The following MAD2L1BP variants were observed in gnomAD, a reference collection of about 807,000 sequenced individuals.
MAD2L1BP encodes MAD2L1-binding protein.
MAD2L1BP carries 22 observed loss-of-function variants against 28.4 expected under a neutral mutation model. The ratio of observed to expected loss-of-function variants is 0.77; its 90% CI spans 0.55 to 1.10. MAD2L1BP has a LOEUF of 1.10. Ranked by LOEUF, MAD2L1BP falls within the 50% of genes least tolerant of loss-of-function variation. The pLI is 0.00. For missense variants in MAD2L1BP, 325 were observed against 350.5 expected, an observed-to-expected ratio of 0.93 and a Z score of 0.58; for synonymous variants, 146 against 133.7, an observed-to-expected ratio of 1.09 and a Z score of -0.63.
At chr6:43,630,897 A>C (rs1294625650), upstream of MAD2L1BP, among the ~76,000 whole-genome samples, 1 of 137,478 alleles carries the variant, frequency 7.3e-6, no homozygotes, top group African/African-American at 3.0e-5. Context: ...TGACAGAACG[A>C]GACTTCGTCT....
chr6:43,632,743 G>A (rs975554128), upstream of MAD2L1BP, among the ~76,000 whole-genome samples: 3 of 149,996 alleles, frequency 2.0e-5, no homozygotes, highest in East Asian at 3.9e-4. Flanking sequence ...GGACTCAGCC[G>A]GGTGCGGTGG....
rs7106 is a variant in MAD2L1BP, at chr6:43,640,649, C to T, written c.*116C>T. 308,097 of 1,140,760 alleles carry T rather than the reference C, an allele frequency of 0.27. 46,411 individuals carry two copies. The highest frequency in any genetic ancestry group is 0.3 in the Non-Finnish European group (249,519 of 824,574). 70.7% of individuals were successfully genotyped at this position (1,140,760 alleles called of 1,614,324 possible). A position where few individuals can be genotyped will look rare whatever the true frequency, so the allele number is the denominator to read the frequency against. ...CTTCCTGGTGAGAGAGGAAGCAACT[C>T]TCCTTCTGGTTGTCTGCCTCCCCTC... On this transcript the variant is annotated 3_prime_UTR_variant, in exon 3 of 3. Transcript: ENST00000372171.
chr6:43,640,318 C>T lies in MAD2L1BP; in HGVS notation c.610C>T (p.Gln204Ter), dbSNP rs1459340603. Residue 204 changes from glutamine (Q) to a stop codon, truncating the protein, a stop_gained, in exon 3 of 3, where the codon CAG becomes TAG. Coordinates refer to ENST00000372171, the MANE Select transcript of MAD2L1BP (RefSeq NM_014628.3). LOFTEE classifies it high-confidence loss of function. Reference sequence around the variant, plus strand: ...CATGGCTGATGCCTTTAGCGAGCTTCAGGCTCCTCCACTCATGGGCACCGT... The same window carrying T: ...CATGGCTGATGCCTTTAGCGAGCTTTAGGCTCCTCCACTCATGGGCACCGT... ...IFMADAFSEL[Q>*]APPLMGTVVM... 3 of 1,613,492 alleles carry T rather than the reference C, an allele frequency of 1.9e-6. No individual in the cohort carries two copies. Among genetic ancestry groups the T allele is most frequent in the African/African-American group, 1.3e-5 (1 of 74,914 alleles).
intron 2 of MAD2L1BP, among the ~76,000 whole-genome samples, chr6:43,637,903 T>C (rs1244452731): frequency 6.0e-5 from 9 of 150,614 alleles, no homozygotes; most frequent in Non-Finnish European, 1.2e-4. Context: ...TCCGCCTGTT[T>C]GTTTCTTTTT....
At chr6:43,639,124 C>CT (rs1301301043) in intron 2 of MAD2L1BP, among the ~76,000 whole-genome samples, 2 of 151,810 alleles carry the variant, frequency 1.3e-5, no homozygotes, top group African/African-American at 4.8e-5. Flanking sequence ...CTCTTGAACT[C>CT]TTAACTCTTC....
In MAD2L1BP at chr6:43,640,637, GAGGA is replaced by G; in HGVS notation, c.*107_*110del. 1 of 1,295,206 alleles carries G rather than the reference GAGGA, an allele frequency of 7.7e-7. No homozygotes were observed. The highest frequency in any genetic ancestry group is 1.5e-5 in the South Asian group (1 of 65,784). 80.2% of individuals were successfully genotyped at this position (1,295,206 alleles called of 1,614,324 possible). On this transcript the variant is annotated 3_prime_UTR_variant, in exon 3 of 3. Transcript: ENST00000372171. ...GAGCTAGAGTTGCTTCCTGGTGAGA[GAGGA>G]AGCAACTCTCCTTCTGGTTGTCTGC...
upstream of MAD2L1BP, chr6:43,633,396 T>G: frequency 3.5e-6 from 1 of 282,334 alleles, no homozygotes; most frequent in South Asian, 2.7e-5. Context: ...GGTCTCAAAC[T>G]CCCGACCTCA....
Position 43,640,738 on chromosome 6 carries a change from T to A in MAD2L1BP, c.*205T>A, listed in dbSNP as rs1334169887. The A allele has an allele frequency of 1.8e-6, 1 of 545,406 alleles. No individual in the cohort carries two copies. The highest frequency in any genetic ancestry group is 3.1e-6 in the Non-Finnish European group (1 of 318,034). The allele number at this position is 545,406 out of a possible 1,614,324, so 33.8% of individuals were successfully genotyped here. On this transcript the variant is annotated 3_prime_UTR_variant, in exon 3 of 3. Transcript: ENST00000372171. ...TGACTGTAATCATTGCTGAACAACA[T>A]CTCTTTGAATCAAAGGTTGATTTTC...
intron 1 of MAD2L1BP, among the ~76,000 whole-genome samples, chr6:43,630,122 C>A (rs569111510): frequency 2.0e-4 from 31 of 152,312 alleles, no homozygotes; most frequent in African/African-American, 7.2e-4. Context: ...TCGGGTTACA[C>A]CAACCACCAC....
Position 43,635,915 on chromosome 6 carries a change from G to A in MAD2L1BP, c.40G>A (p.Val14Ile). 6.6e-7 allele frequency: 1 copy of A among 1,504,456 alleles called. No individual in the cohort carries two copies. Among genetic ancestry groups the A allele is most frequent in the Non-Finnish European group, 8.8e-7 (1 of 1,132,476 alleles). The allele number at this position is 1,504,456 out of a possible 1,614,324, so 93.2% of individuals were successfully genotyped here. The change falls in exon 1 of 3, where the codon GTC (valine) becomes ATC (isoleucine). Residue 14 changes from valine to isoleucine, a missense_variant. By Grantham distance (29) the Val-to-Ile change is conservative. Transcript: ENST00000372171. ...GGCGGAGGTTCTGTCCTCAGCCGCA[G>A]TCCCTGGTAAGGCGTGGGGCCAAGA... ...PEAEVLSSAAVPDLEWYEKSE... is the reference protein window; with the variant it reads ...PEAEVLSSAAIPDLEWYEKSE...
chr6:43,632,621 G>A (rs188079591), upstream of MAD2L1BP, among the ~76,000 whole-genome samples: 53 of 148,180 alleles, frequency 3.6e-4, no homozygotes, highest in Non-Finnish European at 8.9e-5. Flanking sequence ...CCTACTTCCT[G>A]AAACACATCC....
Position 43,635,860 on chromosome 6 carries a change from C to A in MAD2L1BP, c.-16C>A. ...CCTTTATTCTAACCGCAAGGAGTAG[C>A]GGAGGGGAGGTCGTGATGGCGGCGC... On this transcript the variant is annotated 5_prime_UTR_variant, in exon 1 of 3. Coordinates refer to ENST00000372171, the MANE Select transcript of MAD2L1BP (RefSeq NM_014628.3). 4.1e-6 allele frequency: 6 copies of A among 1,476,392 alleles called. No individual in the cohort carries two copies. The highest frequency in any genetic ancestry group is 5.4e-6 in the Non-Finnish European group (6 of 1,120,040). 91.5% of individuals were successfully genotyped at this position (1,476,392 alleles called of 1,614,324 possible). A position where few individuals can be genotyped will look rare whatever the true frequency, so the allele number is the denominator to read the frequency against.
chr6:43,634,647 G>A (rs1770101569), upstream of MAD2L1BP, among the ~76,000 whole-genome samples: 2 of 151,856 alleles, frequency 1.3e-5, no homozygotes, highest in Admixed American at 6.6e-5. Flanking sequence ...TGCAACCTCC[G>A]CCTCCCGGCT....
intron 2 of MAD2L1BP, among the ~76,000 whole-genome samples, chr6:43,637,425 CTT>C (rs766935941): frequency 1.9e-4 from 25 of 130,034 alleles, no homozygotes; most frequent in Admixed American, 3.9e-4. Context: ...CTTTTTTCTT[CTT>C]TTTTTTTTTT....
chr6:43,630,908 CAAAAAAA>C (rs753239311), upstream of MAD2L1BP, among the ~76,000 whole-genome samples: 4 of 53,624 alleles, frequency 7.5e-5, no homozygotes, highest in South Asian at 8.0e-4. Flanking sequence ...GACTTCGTCT[CAAAAAAA>C]AAAAAAAAAA....
chr6:43,638,808 A>AG (rs993254847), intron 2 of MAD2L1BP, among the ~76,000 whole-genome samples: 1 of 152,088 alleles, frequency 6.6e-6, no homozygotes, highest in Non-Finnish European at 1.5e-5. Flanking sequence ...AAAAAAAAAA[A>AG]AGAATAAATC....
rs766293582 is a variant in MAD2L1BP at position 43,636,472 on chromosome 6, G to T, written c.138G>T (p.Ser46=). ...CTACGCAGGAACCTCTCAACGCTTC[G>T]GAGGCCTTTTGCCCAAGAGACTGCA... ...TSSTQEPLNA[S]EAFCPRDCMV... Residue 46 remains serine (S), a synonymous_variant, in exon 2 of 3, where the codon TCG becomes TCT. Coordinates refer to ENST00000372171, the MANE Select transcript of MAD2L1BP (RefSeq NM_014628.3). 6.2e-7 allele frequency: 1 copy of T among 1,614,152 alleles called. No individual in the cohort carries two copies. Among genetic ancestry groups the T allele is most frequent in the South Asian group, 1.1e-5 (1 of 91,082 alleles).
At position 43,629,877 on chromosome 6, in the gene MAD2L1BP, A is replaced by G; in HGVS notation, c.20+108A>G. On this transcript the variant is annotated intron_variant, in intron 1 of 3. Coordinates refer to the MAD2L1BP transcript ENST00000451025. ...TTTACATAGTAGTCACTGCTTTATT[A>G]CCAGGCTGGCACCGTCCAGGGGCTG... The G allele has an allele frequency of 2.2e-6, 3 of 1,371,728 alleles. No homozygotes were observed. The South Asian group carries it at 4.1e-5, about 19-fold the overall frequency. 85.0% of individuals were successfully genotyped at this position (1,371,728 alleles called of 1,614,324 possible).
intron 1 of MAD2L1BP, among the ~76,000 whole-genome samples, chr6:43,630,155 A>G (rs1272825303): frequency 6.6e-6 from 1 of 152,212 alleles, no homozygotes; most frequent in Non-Finnish European, 1.5e-5. Context: ...GTGGCCGGGA[A>G]TAGAAACTTG....
Sources: gnomAD v4.1 joint callset for allele counts (sites outside exome capture counted in the v4.1 genomes callset) on GRCh38, gnomAD v4.1.1 for gene constraint, MANE v1.5 for transcripts, NCBI Gene and HGNC (gene_info 2026-07-23, HGNC 2026-07-21) for gene names.